The following RRP12 variants were observed in gnomAD, a reference collection of about 807,000 sequenced individuals.
RRP12 encodes the protein ribosomal RNA processing 12 homolog, also known as RRP12-like protein.
In RRP12, 78 loss-of-function variants were observed where a neutral mutation model predicts 157.3. The ratio of observed to expected loss-of-function variants is 0.50; its 90% CI spans 0.41 to 0.60. The LOEUF is 0.60. Among genes scored for constraint, RRP12 ranks in the 20% least tolerant of loss-of-function variants. The probability of loss-of-function intolerance (pLI) is 0.00; values close to 1 mark genes in which losing one functional copy is unlikely to be tolerated. For synonymous variants in RRP12, 726 were observed against 670.9 expected, an observed-to-expected ratio of 1.08 and a Z score of -1.27; for missense variants, 1,521 against 1,679.9, an observed-to-expected ratio of 0.91 and a Z score of 1.65.
intron 25 of RRP12, 148 bp downstream of exon 25, chr10:97,369,277 A>T: frequency 1.3e-6 from 1 of 786,240 alleles, no homozygotes; most frequent in South Asian, 1.8e-5. Context: ...CCTGACAGGC[A>T]TTCCCCTATG....
At chr10:97,389,197 C>T (rs1462905705) in intron 6 of RRP12, among the ~76,000 whole-genome samples, 3 of 152,122 alleles carry the variant, frequency 2.0e-5, no homozygotes, top group Non-Finnish European at 4.4e-5. Context: ...AGGTTCACGC[C>T]ATTCTCCTGC....
intron 15 of RRP12, among the ~76,000 whole-genome samples, chr10:97,376,119 C>G (rs1032402792): frequency 3.3e-5 from 5 of 150,704 alleles, no homozygotes; most frequent in African/African-American, 1.2e-4. Flanking sequence ...AACAAACAAA[C>G]AAACAAACCG....
rs780338883 is a variant in RRP12, at chr10:97,400,341, C to A, written c.333G>T (p.Gln111His). Residue 111 changes from glutamine (Q) to histidine (H), a missense_variant, in exon 2 of 34, where the codon CAG becomes CAT. Transcript: ENST00000370992. ...CAGCCGAGTTGGACTCCCAGAAGCG[C>A]TGTACTTTGCTGAAGGTGACGTTTG... is the stretch of plus-strand genomic sequence containing the variant. ...DCTNVTFSKV[Q>H]RFWESNSAAH... 12 of 1,614,098 alleles carry A rather than the reference C, an allele frequency of 7.4e-6. No individual in the cohort carries two copies. The highest frequency in any genetic ancestry group is 1.0e-5 in the Non-Finnish European group (12 of 1,180,024).
At chr10:97,386,166 A>G (rs748084311) in intron 8 of RRP12, among the ~76,000 whole-genome samples, 173 bp from the exon 9 acceptor site, 2 of 152,204 alleles carry the variant, frequency 1.3e-5, no homozygotes, top group Non-Finnish European at 2.9e-5. Context: ...AGCCACTGAA[A>G]AAGCTTTAAA....
At chr10:97,363,804 C>T (rs768685593) in intron 30 of RRP12, 50 bp downstream of exon 30, 5 of 1,525,554 alleles carry the variant, frequency 3.3e-6, no homozygotes, top group Non-Finnish European at 2.7e-6. Context: ...AGCTGTGGAG[C>T]CCAGGCTTAG....
Position 97,373,899 on chromosome 10 carries a change from A to C in RRP12, c.1799-5T>G, listed in dbSNP as rs781482757. ...CTGCCTGAGCCAGGTCCATGGCTGC[A>C]GTGTGACAGAGGGACAGAGTGTGAG... On this transcript the variant is annotated splice_region_variant and splice_polypyrimidine_tract_variant and intron_variant, in intron 15 of 33. Transcript: ENST00000370992. 8 of 1,612,454 alleles carry C rather than the reference A, an allele frequency of 5.0e-6. No individual in the cohort carries two copies. The South Asian group carries it at 8.8e-5, about 18-fold the overall frequency.
Position 97,376,320 on chromosome 10 carries a change from T to C in RRP12, c.1799-2426A>G, listed in dbSNP as rs187660525. ...ACCTCTGCTTCCTGGGTGCAAACGA[T>C]TGTCCTGCCTCAGCCTCCCAAGTAG... On this transcript the variant is annotated intron_variant, in intron 15 of 33. Coordinates refer to ENST00000370992, the MANE Select transcript of RRP12 (RefSeq NM_015179.4). 8.2e-5 allele frequency among the ~76,000 whole-genome samples: 12 copies of C among 147,070 alleles called. No homozygotes were observed. The East Asian group carries it at 1.5e-3, about 18-fold the overall frequency.
chr10:97,381,014 GC>G (rs1384661336), intron 12 of RRP12, 101 bp from the exon 13 acceptor site: 2 of 933,578 alleles, frequency 2.1e-6, no homozygotes, highest in Non-Finnish European at 3.3e-6. Flanking sequence ...ACGCTAGCTG[GC>G]CAGCAAGAAT....
intron 30 of RRP12, among the ~76,000 whole-genome samples, chr10:97,361,431 T>C (rs1843839591): frequency 6.6e-6 from 1 of 152,176 alleles, no homozygotes; most frequent in Non-Finnish European, 1.5e-5. Context: ...GTCCCTGCAC[T>C]GTGGTCTGTG....
At position 97,373,824 on chromosome 10, in the gene RRP12, C is replaced by T. The variant is rs773252934; in HGVS notation, c.1863+6G>A. ...CTCCCCACGCCCTCCCCCAGCTGAC[C>T]CTTACCTGCCACTGGAGTGTGTCGT... is the stretch of plus-strand genomic sequence containing the variant. On this transcript the variant is annotated splice_donor_region_variant and intron_variant, in intron 16 of 33. Transcript: ENST00000370992. 2 of 1,613,838 alleles carry T rather than the reference C, an allele frequency of 1.2e-6. No individual in the cohort carries two copies. The highest frequency in any genetic ancestry group is 1.1e-5 in the South Asian group (1 of 91,082).
At chr10:97,397,125 T>A (rs141595726) in intron 2 of RRP12, among the ~76,000 whole-genome samples, 1 of 152,266 alleles carries the variant, frequency 6.6e-6, no homozygotes, top group East Asian at 1.9e-4. Context: ...GTAAATGCTA[T>A]ATAAATAGTT....
At position 97,379,681 on chromosome 10, in the gene RRP12, A is replaced by T; in HGVS notation, c.1623T>A (p.Ser541Arg). 6.2e-7 allele frequency: 1 copy of T among 1,613,974 alleles called. No individual in the cohort carries two copies. The highest frequency in any genetic ancestry group is 8.5e-7 in the Non-Finnish European group (1 of 1,179,998). The change falls in exon 14 of 34, where the codon AGT becomes AGA. Residue 541 changes from serine (S) to arginine (R), a missense_variant. Coordinates refer to ENST00000370992, the MANE Select transcript of RRP12 (RefSeq NM_015179.4). ...CCTGCAGCACCACCTCAGGTCCCAT[A>T]CTGGTCACCGCAGCCCCCACTGCCT... ...LDQAVGAAVT[S>R]MGPEVVLQAV... is the part of the protein sequence containing the mutation.
intron 29 of RRP12, 117 bp from the exon 30 acceptor site, chr10:97,364,020 A>G: frequency 2.3e-6 from 2 of 860,348 alleles, no homozygotes; most frequent in Non-Finnish European, 4.0e-6. Context: ...GCCCCAGAAA[A>G]TTGCCTTCCT....
chr10:97,370,668 A>C (rs757355037), intron 22 of RRP12, 48 bp downstream of exon 22: 1 of 1,605,020 alleles, frequency 6.2e-7, no homozygotes, highest in Admixed American at 1.7e-5. Flanking sequence ...GAGGCCCTTA[A>C]GAGCCACATT....
At chr10:97,372,276 G>A (rs143366362) in intron 19 of RRP12, 110 bp from the exon 20 acceptor site, 1 of 717,160 alleles carries the variant, frequency 1.4e-6, no homozygotes, top group Non-Finnish European at 2.3e-6. Context: ...TCAGGGTGAG[G>A]ACAAGGGGCT....
chr10:97,359,468 T>C (rs1474037139), intron 31 of RRP12, among the ~76,000 whole-genome samples: 1 of 152,210 alleles, frequency 6.6e-6, no homozygotes, highest in East Asian at 1.9e-4. Flanking sequence ...AACACTGAGA[T>C]AGCAGGTAGC....
chr10:97,390,806 G>C lies in RRP12; in HGVS notation c.569C>G (p.Thr190Ser). Residue 190 changes from threonine to serine, a missense_variant, in exon 5 of 34, where the codon ACC (threonine) becomes AGC (serine). Transcript: ENST00000370992. ...CATGATATCCATGAAGGCTTTGGAG[G>C]TATCAGAGAACTTCTTAATAAGCAC... is the stretch of plus-strand genomic sequence containing the variant. ...SPVLIKKFSD[T>S]SKAFMDIMSA... is the part of the protein sequence containing the mutation. The C allele has an allele frequency of 6.2e-7, 1 of 1,613,844 alleles. No homozygotes were observed. Among genetic ancestry groups the C allele is most frequent in the Non-Finnish European group, 8.5e-7 (1 of 1,179,714 alleles).
At chr10:97,369,686 T>C in intron 24 of RRP12, 104 bp from the exon 25 acceptor site, 7 of 1,231,216 alleles carry the variant, frequency 5.7e-6, no homozygotes, top group East Asian at 2.6e-5. Context: ...AAAGCTGACA[T>C]TGAGAGCCTT....
chr10:97,398,600 G>A (rs1471667391), intron 2 of RRP12, among the ~76,000 whole-genome samples: 5 of 151,528 alleles, frequency 3.3e-5, no homozygotes, highest in African/African-American at 1.2e-4. Context: ...GCCCACCTCG[G>A]CCTCCCAAAG....
Sources: gnomAD v4.1 joint callset for allele counts (sites outside exome capture counted in the v4.1 genomes callset) on GRCh38, gnomAD v4.1.1 for gene constraint, MANE v1.5 for transcripts, NCBI Gene and HGNC (gene_info 2026-07-23, HGNC 2026-07-21) for gene names.